Variants in IPO11 observed in about 807,000 individuals in gnomAD.
IPO11 encodes importin-11.
A neutral mutation model predicts 143.2 loss-of-function variants in IPO11; 66 were observed. That is an observed-to-expected ratio of 0.46 (90% CI 0.38 to 0.57). The LOEUF is 0.57. Among genes scored for constraint, IPO11 ranks in the 20% least tolerant of loss-of-function variants. The pLI is 0.00. For synonymous variants in IPO11, 385 were observed against 377.8 expected (o/e 1.02, Z -0.22); for missense variants, 1,026 against 1,141.0 (o/e 0.90, Z 1.45).
chr5:62,562,632 T>G (rs1743810291), intron 27 of IPO11, among the ~76,000 whole-genome samples: 1 of 152,210 alleles, frequency 6.6e-6, no homozygotes, highest in Non-Finnish European at 1.5e-5. Context: ...TAATAGACCA[T>G]GGGCTGGTAC....
chr5:62,499,880 A>G (rs947776571), intron 16 of IPO11, among the ~76,000 whole-genome samples: 1 of 152,212 alleles, frequency 6.6e-6, no homozygotes, highest in Non-Finnish European at 1.5e-5. Flanking sequence ...GCCTAGGCCT[A>G]CGCAGGGTTA....
intron 20 of IPO11, among the ~76,000 whole-genome samples, chr5:62,519,656 G>A (rs571209655): frequency 9.2e-5 from 14 of 152,198 alleles, no homozygotes; most frequent in African/African-American, 3.4e-4. Flanking sequence ...TATTTGCCTA[G>A]TATACTGAGA....
intron 1 of IPO11, among the ~76,000 whole-genome samples, chr5:62,414,536 G>A (rs557050024): frequency 6.6e-6 from 1 of 152,300 alleles, no homozygotes; most frequent in South Asian, 2.1e-4. Flanking sequence ...TAGTGCTGGT[G>A]TGAGTCTGTA....
At chr5:62,548,398 G>A (rs1028525661) in intron 24 of IPO11, among the ~76,000 whole-genome samples, 3 of 152,068 alleles carry the variant, frequency 2.0e-5, no homozygotes, top group Non-Finnish European at 4.4e-5. Flanking sequence ...CAAGTTTGTA[G>A]CTGCTGCTGC....
At chr5:62,539,259 C>T (rs1412724125) in intron 24 of IPO11, among the ~76,000 whole-genome samples, 2 of 152,168 alleles carry the variant, frequency 1.3e-5, no homozygotes, top group African/African-American at 4.8e-5. Flanking sequence ...AAGCCTTTCT[C>T]TTACCTTCTG....
intron 14 of IPO11, among the ~76,000 whole-genome samples, chr5:62,489,610 A>C (rs1580239672): frequency 6.6e-6 from 1 of 152,360 alleles, no homozygotes; most frequent in East Asian, 1.9e-4. Context: ...ATGGAAGAAC[A>C]CAAGGATAAG....
At position 62,474,441 on chromosome 5, in the gene IPO11, G is replaced by A. The variant is rs1467074614; in HGVS notation, c.734G>A (p.Arg245His). Residue 245 changes from arginine to histidine, a missense_variant, in exon 8 of 30, where the codon CGT (arginine) becomes CAT (histidine). Arg to His is a conservative substitution (Grantham distance 29). This residue lies in a region of IPO11 where 429 missense variants were observed against 456.3 expected (regional missense o/e 0.94). Transcript: ENST00000325324. ...GGTTTTTTACATGGAATATTTGAAC[G>A]TCTAAAACAGTTTCTGGAATGCAGT... ...VMGFLHGIFERLKQFLECSRS... is the reference protein window; with the variant it reads ...VMGFLHGIFEHLKQFLECSRS... 1.3e-5 allele frequency: 20 copies of A among 1,571,870 alleles called. No individual in the cohort carries two copies. The highest frequency in any genetic ancestry group is 2.4e-5 in the South Asian group (2 of 83,450).
chr5:62,564,195 A>T (rs1032468759), intron 27 of IPO11, among the ~76,000 whole-genome samples: 2 of 152,174 alleles, frequency 1.3e-5, no homozygotes, highest in Non-Finnish European at 2.9e-5. Flanking sequence ...ATCTGAAAAA[A>T]AAAACCTTTA....
intron 7 of IPO11, among the ~76,000 whole-genome samples, chr5:62,473,182 C>CT (rs1173399445): frequency 1.3e-5 from 2 of 151,986 alleles, no homozygotes; most frequent in Non-Finnish European, 2.9e-5. Flanking sequence ...AAGTTTTCTT[C>CT]TTTTTTTAAA....
intron 19 of IPO11, among the ~76,000 whole-genome samples, chr5:62,510,019 G>C (rs559440451): frequency 6.6e-6 from 1 of 152,300 alleles, no homozygotes; most frequent in South Asian, 2.1e-4. Flanking sequence ...TAGCAACAGT[G>C]TACAAAGATA....
At chr5:62,599,091 A>G (rs1745403503) in intron 28 of IPO11, among the ~76,000 whole-genome samples, 1 of 152,190 alleles carries the variant, frequency 6.6e-6, no homozygotes, top group African/African-American at 2.4e-5. Context: ...TGAGACATGC[A>G]GATTCTCAGG....
At chr5:62,418,902 C>T in intron 1 of IPO11, 1 of 1,293,224 alleles carries the variant, frequency 7.7e-7, no homozygotes, top group Non-Finnish European at 1.0e-6. Context: ...AGGTGTGAAA[C>T]TGCTGGGTCA....
chr5:62,580,753 A>G (rs1200938581), intron 27 of IPO11: 2 of 1,551,394 alleles, frequency 1.3e-6, no homozygotes, highest in African/African-American at 2.7e-5. Flanking sequence ...TAAAGTAACC[A>G]CAAATGGCAG....
At chr5:62,515,170 A>G (rs111683476) in intron 19 of IPO11, among the ~76,000 whole-genome samples, 4 of 152,288 alleles carry the variant, frequency 2.6e-5, no homozygotes, top group African/African-American at 9.6e-5. Context: ...AGTACACTTG[A>G]TATTTGTTTA....
intron 27 of IPO11, among the ~76,000 whole-genome samples, chr5:62,562,457 G>A (rs367735370): frequency 1.1e-4 from 16 of 152,262 alleles, no homozygotes; most frequent in African/African-American, 3.9e-4. Flanking sequence ...TTAGGCATTA[G>A]ATTCTCACAA....
chr5:62,535,424 C>T (rs1742701444), intron 22 of IPO11, among the ~76,000 whole-genome samples: 1 of 152,036 alleles, frequency 6.6e-6, no homozygotes, highest in Non-Finnish European at 1.5e-5. Flanking sequence ...CAGGCTTTCT[C>T]CTTGAGGAGA....
chr5:62,599,165 C>G (rs566688205), intron 28 of IPO11, among the ~76,000 whole-genome samples: 9 of 152,054 alleles, frequency 5.9e-5, no homozygotes, highest in Non-Finnish European at 1.2e-4. Flanking sequence ...TTAACAAAGC[C>G]CTTCAAGTGG....
intron 5 of IPO11, among the ~76,000 whole-genome samples, chr5:62,458,345 G>C (rs1446154134): frequency 2.1e-5 from 2 of 97,378 alleles, no homozygotes; most frequent in East Asian, 4.7e-4. Flanking sequence ...GTGTCACCCA[G>C]GCTGGAGTGC....
chr5:62,506,487 G>T (rs1741559465), intron 19 of IPO11, 130 bp downstream of exon 19: 2 of 532,280 alleles, frequency 3.8e-6, no homozygotes, highest in African/African-American at 3.8e-5. Context: ...ATAGATTGTG[G>T]TTTCAGTTAT....
Sources: gnomAD v4.1 joint callset for allele counts (sites outside exome capture counted in the v4.1 genomes callset) on GRCh38, gnomAD v4.1.1 for gene constraint, gnomAD v4.1.1 regional missense constraint, MANE v1.5 for transcripts, NCBI Gene and HGNC (gene_info 2026-07-23, HGNC 2026-07-21) for gene names.